Variants in SDK1 observed in about 807,000 individuals in gnomAD.
SDK1 encodes the protein sidekick cell adhesion molecule 1.
SDK1 carries 157 observed loss-of-function variants against 245.5 expected under a neutral mutation model. The ratio of observed to expected loss-of-function variants is 0.64; its 90% CI spans 0.56 to 0.73. The LOEUF (loss-of-function observed/expected upper bound fraction) is 0.73, where lower values mean the gene tolerates loss of function less well. SDK1 is among the 30% of genes least tolerant of loss of function. The pLI, the probability that SDK1 is intolerant of heterozygous loss-of-function variation, is 0.00. For missense variants in SDK1, 3,583 were observed against 3,002.3 expected (o/e 1.19, Z -4.52); for synonymous variants, 1,647 against 1,278.5 (o/e 1.29, Z -6.15).
At chr7:3,464,839 A>C (rs1417184622) in intron 1 of SDK1, among the ~76,000 whole-genome samples, 1 of 152,128 alleles carries the variant, frequency 6.6e-6, no homozygotes, top group African/African-American at 2.4e-5. Flanking sequence ...AAATTTTTAA[A>C]GAGTAAGTTG....
intron 4 of SDK1, among the ~76,000 whole-genome samples, chr7:3,768,337 C>T (rs1300946926): frequency 6.6e-6 from 1 of 152,122 alleles, no homozygotes; most frequent in Non-Finnish European, 1.5e-5. Context: ...AACTCAAGGA[C>T]AGTATTGTCA....
chr7:3,341,730 A>G (rs75752277), intron 1 of SDK1, among the ~76,000 whole-genome samples: 18 of 152,350 alleles, frequency 1.2e-4, no homozygotes, highest in Non-Finnish European at 7.3e-5. Flanking sequence ...ACAAACTTCA[A>G]CATGTGTAGG....
chr7:3,405,718 G>C (rs902959728), intron 1 of SDK1, among the ~76,000 whole-genome samples: 9 of 152,104 alleles, frequency 5.9e-5, no homozygotes, highest in East Asian at 1.9e-4. Context: ...AATTCTGCAA[G>C]AGAATTAATG....
chr7:3,740,500 A>T (rs980798988), intron 4 of SDK1, among the ~76,000 whole-genome samples: 1 of 152,188 alleles, frequency 6.6e-6, no homozygotes, highest in African/African-American at 2.4e-5. Context: ...TACAGGTCAG[A>T]TTTAGGTCAG....
At chr7:3,304,675 A>T (rs1368267556) in intron 1 of SDK1, among the ~76,000 whole-genome samples, 2 of 152,158 alleles carry the variant, frequency 1.3e-5, no homozygotes, top group Non-Finnish European at 2.9e-5. Context: ...TTCCTCTTCC[A>T]TGAGCCACAT....
intron 35 of SDK1, among the ~76,000 whole-genome samples, chr7:4,182,042 C>T (rs551168834): frequency 6.4e-4 from 98 of 152,334 alleles, no homozygotes; most frequent in African/African-American, 2.2e-3. Flanking sequence ...GCCTCAGCCT[C>T]CTGAGTAGCT....
intron 1 of SDK1, among the ~76,000 whole-genome samples, chr7:3,501,812 CTG>C (rs1416102725): frequency 2.0e-5 from 3 of 152,106 alleles, no homozygotes; most frequent in African/African-American, 7.2e-5. Context: ...TAATGGGACA[CTG>C]TATTTTACAA....
chr7:3,644,854 T>C (rs1251791587), intron 4 of SDK1, among the ~76,000 whole-genome samples: 1 of 149,148 alleles, frequency 6.7e-6, no homozygotes, highest in Non-Finnish European at 1.5e-5. Flanking sequence ...TGTATAAATA[T>C]TCTAGAAGTT....
rs767237677 is a variant in SDK1, at chr7:3,971,456, T to A, written c.1715-10T>A. ...CATTTCGTCTGACTCGTGACTTGTGTTTTTTTCAGATCGGACGTCCATCGT... is the reference window on the plus strand; with the variant it reads ...CATTTCGTCTGACTCGTGACTTGTGATTTTTTCAGATCGGACGTCCATCGT... On this transcript the variant is annotated splice_polypyrimidine_tract_variant and intron_variant, in intron 11 of 44. Coordinates refer to ENST00000404826, the MANE Select transcript of SDK1 (RefSeq NM_152744.4). The A allele has an allele frequency of 3.7e-6, 6 of 1,600,626 alleles. No homozygotes were observed. Among genetic ancestry groups the A allele is most frequent in the Non-Finnish European group, 5.1e-6 (6 of 1,169,266 alleles).
At chr7:4,078,604 C>T (rs1048442043) in intron 21 of SDK1, among the ~76,000 whole-genome samples, 8 of 152,150 alleles carry the variant, frequency 5.3e-5, no homozygotes, top group Admixed American at 5.2e-4. Flanking sequence ...CTGCCCTAGC[C>T]TTGCATTTTT....
intron 1 of SDK1, among the ~76,000 whole-genome samples, chr7:3,560,139 A>G (rs1779702356): frequency 2.0e-5 from 3 of 152,220 alleles, no homozygotes; most frequent in Admixed American, 2.0e-4. Flanking sequence ...TTTATCATAG[A>G]GATTGTTTTA....
chr7:3,586,622 A>G (rs1355016757), intron 1 of SDK1, among the ~76,000 whole-genome samples: 4 of 150,460 alleles, frequency 2.7e-5, no homozygotes, highest in Non-Finnish European at 4.4e-5. Flanking sequence ...GGAGAATGGC[A>G]TGAACCCGGG....
At chr7:4,262,338 G>A (rs140465058) in intron 44 of SDK1, among the ~76,000 whole-genome samples, 1,945 of 151,752 alleles carry the variant, frequency 0.013, 20 homozygotes, top group Middle Eastern at 0.027. Context: ...CTCCTTTAAC[G>A]GTCCTTCCAA....
chr7:3,927,814 G>A (rs1395364526), intron 5 of SDK1, among the ~76,000 whole-genome samples: 2 of 152,206 alleles, frequency 1.3e-5, no homozygotes, highest in Non-Finnish European at 2.9e-5. Context: ...CTCACTTACT[G>A]TCTTTAGATA....
chr7:3,739,781 CT>C (rs1212881184), intron 4 of SDK1, among the ~76,000 whole-genome samples: 3 of 151,960 alleles, frequency 2.0e-5, no homozygotes, highest in Non-Finnish European at 4.4e-5. Context: ...CTATTGATTG[CT>C]TTTTTTCCCC....
intron 1 of SDK1, among the ~76,000 whole-genome samples, chr7:3,365,891 T>A (rs1781075235): frequency 6.6e-6 from 1 of 151,922 alleles, no homozygotes; most frequent in Non-Finnish European, 1.5e-5. Context: ...ACAAAAAAAT[T>A]AGCTAGGCGT....
intron 22 of SDK1, among the ~76,000 whole-genome samples, chr7:4,107,780 C>A (rs1783040210): frequency 6.6e-6 from 1 of 152,182 alleles, no homozygotes; most frequent in African/African-American, 2.4e-5. Flanking sequence ...CGGGGGCCTC[C>A]CACGGAAGCC....
intron 32 of SDK1, among the ~76,000 whole-genome samples, chr7:4,170,562 G>C (rs1781776446): frequency 6.6e-6 from 1 of 152,182 alleles, no homozygotes; most frequent in Non-Finnish European, 1.5e-5. Flanking sequence ...CCACATCTCT[G>C]GTGGTGCTTT....
chr7:3,775,724 C>T (rs1406057176), intron 4 of SDK1, among the ~76,000 whole-genome samples: 2 of 151,830 alleles, frequency 1.3e-5, no homozygotes, highest in Non-Finnish European at 2.9e-5. Context: ...CTACAGGCGC[C>T]CGCCACCGCA....
Sources: gnomAD v4.1 joint callset for allele counts (sites outside exome capture counted in the v4.1 genomes callset) on GRCh38, gnomAD v4.1.1 for gene constraint, MANE v1.5 for transcripts, NCBI Gene and HGNC (gene_info 2026-07-23, HGNC 2026-07-21) for gene names.